DNER: variants seen among roughly 807,000 people sequenced by gnomAD.
DNER encodes the protein delta and Notch-like epidermal growth factor-related receptor.
Under a neutral mutation model 78.2 loss-of-function variants are expected in DNER, and 33 were observed. The observed-to-expected ratio is 0.42, with a 90% CI of 0.32 to 0.56. The LOEUF (loss-of-function observed/expected upper bound fraction) is 0.56, where lower values mean the gene tolerates loss of function less well. DNER is among the 20% of genes least tolerant of loss of function. The pLI, the probability that DNER is intolerant of heterozygous loss-of-function variation, is 0.11. For synonymous variants in DNER, 417 were observed against 384.8 expected (o/e 1.08, Z -0.98); for missense variants, 918 against 975.3 (o/e 0.94, Z 0.78).
intron 6 of DNER, among the ~76,000 whole-genome samples, chr2:229,501,324 A>C (rs1015934083): frequency 6.6e-6 from 1 of 151,718 alleles, no homozygotes; most frequent in Non-Finnish European, 1.5e-5. Flanking sequence ...AATGATAAGT[A>C]TGTTAGGTTA....
At chr2:229,495,256 G>C (rs369891240) in intron 6 of DNER, among the ~76,000 whole-genome samples, 10 of 152,290 alleles carry the variant, frequency 6.6e-5, no homozygotes, top group African/African-American at 2.4e-4. Flanking sequence ...CTAGAATGTA[G>C]CTCAGCCAAG....
intron 10 of DNER, among the ~76,000 whole-genome samples, chr2:229,396,742 G>T (rs1018031561): frequency 6.6e-6 from 1 of 152,212 alleles, no homozygotes; most frequent in Non-Finnish European, 1.5e-5. Context: ...AGAGAGTGAT[G>T]GTTGGGCCTT....
At chr2:229,684,211 T>TGTGTGTGTG (rs1559208473) in intron 1 of DNER, among the ~76,000 whole-genome samples, 1 of 123,518 alleles carries the variant, frequency 8.1e-6, no homozygotes, top group African/African-American at 3.3e-5. Context: ...TGTGTGTGTG[T>TGTGTGTGTG]TGGGGCTAAG....
At chr2:229,568,294 T>C (rs1192338783) in intron 4 of DNER, among the ~76,000 whole-genome samples, 2 of 152,196 alleles carry the variant, frequency 1.3e-5, no homozygotes, top group African/African-American at 4.8e-5. Flanking sequence ...TAAGCAATCT[T>C]CCCACATCAA....
chr2:229,626,691 C>T (rs1698351314), intron 1 of DNER, among the ~76,000 whole-genome samples: 1 of 152,188 alleles, frequency 6.6e-6, no homozygotes, highest in African/African-American at 2.4e-5. Context: ...AACAAAAAGG[C>T]AGCATTGGTA....
intron 8 of DNER, among the ~76,000 whole-genome samples, chr2:229,445,765 ATC>A (rs5839327): frequency 1 from 151,949 of 151,966 alleles, 75,966 homozygotes; most frequent in Middle Eastern, 1. Context: ...CTTAAAATAA[ATC>A]TCTCTCTCTC....
chr2:229,427,906 C>T (rs1378012355), intron 8 of DNER, among the ~76,000 whole-genome samples: 1 of 151,976 alleles, frequency 6.6e-6, no homozygotes, highest in Non-Finnish European at 1.5e-5. Flanking sequence ...GAAATCTCGT[C>T]TCTACTAAAA....
At chr2:229,588,569 G>A in intron 2 of DNER, 81 bp from the exon 3 acceptor site, 1 of 1,252,164 alleles carries the variant, frequency 8.0e-7, no homozygotes, top group Non-Finnish European at 1.1e-6. Context: ...ATTCCATGCT[G>A]AATTTCCTTC....
intron 7 of DNER, among the ~76,000 whole-genome samples, chr2:229,471,786 AG>A (rs1286744231): frequency 6.6e-6 from 1 of 152,214 alleles, no homozygotes; most frequent in Non-Finnish European, 1.5e-5. Flanking sequence ...CATGTAAACG[AG>A]TGTTACTCTA....
At chr2:229,479,450 T>C (rs1695107082) in intron 6 of DNER, among the ~76,000 whole-genome samples, 1 of 152,138 alleles carries the variant, frequency 6.6e-6, no homozygotes, top group Non-Finnish European at 1.5e-5. Context: ...CGGTAGCTCA[T>C]GCCTGTAATC....
chr2:229,529,710 A>G (rs1199693094), intron 5 of DNER, among the ~76,000 whole-genome samples: 2 of 152,240 alleles, frequency 1.3e-5, no homozygotes, highest in African/African-American at 2.4e-5. Flanking sequence ...GAAAGCATGT[A>G]AAGACATGAA....
At chr2:229,499,916 G>A (rs770598583) in intron 6 of DNER, among the ~76,000 whole-genome samples, 1 of 140,348 alleles carries the variant, frequency 7.1e-6, no homozygotes, top group Non-Finnish European at 1.5e-5. Flanking sequence ...CAAAAAATCT[G>A]AATAGACTTT....
chr2:229,520,437 C>T (rs531875871), intron 5 of DNER, among the ~76,000 whole-genome samples: 2 of 152,300 alleles, frequency 1.3e-5, no homozygotes, highest in Middle Eastern at 3.4e-3. Context: ...TGATTTCCAT[C>T]GTGAGCCAGC....
chr2:229,702,777 C>T (rs890898120), intron 1 of DNER, among the ~76,000 whole-genome samples: 3 of 151,724 alleles, frequency 2.0e-5, no homozygotes, highest in East Asian at 1.9e-4. Context: ...ATTAGCCGGG[C>T]GTGGTGGCGG....
At chr2:229,400,488 G>A (rs1559341587) in intron 10 of DNER, among the ~76,000 whole-genome samples, 1 of 151,990 alleles carries the variant, frequency 6.6e-6, no homozygotes, top group African/African-American at 2.4e-5. Context: ...TACACAAGAT[G>A]AGGCTGAAGC....
rs534918982 is a variant in DNER at position 229,405,407 on chromosome 2, T to C, written c.1723+1825A>G. On this transcript the variant is annotated intron_variant, in intron 10 of 12. Coordinates refer to ENST00000341772, the MANE Select transcript of DNER (RefSeq NM_139072.4). ...CTGGGATTCTATTTCTGCAAAATTA[T>C]ACTAAAAATAATAAGATAAGTACAC... Among the ~76,000 whole-genome samples the C allele has an allele frequency of 3.3e-5, 5 of 152,318 alleles. No homozygotes were observed. In the South Asian group the frequency reaches 1.0e-3, roughly 32 times the overall value.
intron 6 of DNER, among the ~76,000 whole-genome samples, chr2:229,481,518 C>T (rs765613178): frequency 5.9e-5 from 9 of 151,538 alleles, no homozygotes; most frequent in African/African-American, 9.7e-5. Flanking sequence ...TATTGATATA[C>T]ATGTAATACT....
At chr2:229,362,521 T>C (rs983547031) in intron 12 of DNER, among the ~76,000 whole-genome samples, 9 of 152,222 alleles carry the variant, frequency 5.9e-5, no homozygotes, top group Non-Finnish European at 1.3e-4. Context: ...GGCTTACAAA[T>C]CTCACTTACA....
Position 229,424,099 on chromosome 2 carries a change from A to T in DNER, c.1487-5869T>A, listed in dbSNP as rs111492946. 8.1e-3 allele frequency among the ~76,000 whole-genome samples: 1,232 copies of T among 152,320 alleles called. 22 individuals carry two copies. Among genetic ancestry groups the T allele is most frequent in the African/African-American group, 0.028 (1,182 of 41,554 alleles). On this transcript the variant is annotated intron_variant, in intron 8 of 12. Transcript: ENST00000341772. ...ATCAATTGATTCGATGCACTTTTAA[A>T]ATGTTTCCATGGTGCTCCAGGACCT...
Sources: gnomAD v4.1 joint callset for allele counts (sites outside exome capture counted in the v4.1 genomes callset) on GRCh38, gnomAD v4.1.1 for gene constraint, MANE v1.5 for transcripts, NCBI Gene and HGNC (gene_info 2026-07-23, HGNC 2026-07-21) for gene names.